The following MGAT5 variants were observed in gnomAD, a reference collection of about 807,000 sequenced individuals.
MGAT5 encodes alpha-1,6-mannosylglycoprotein 6-beta-N-acetylglucosaminyltransferase.
In MGAT5, 30 loss-of-function variants were observed where a neutral mutation model predicts 94.3. The observed-to-expected ratio is 0.32, with a 90% CI of 0.24 to 0.43. The LOEUF (loss-of-function observed/expected upper bound fraction) is 0.43. Among genes scored for constraint, MGAT5 ranks in the 20% least tolerant of loss-of-function variants. The pLI, the probability that MGAT5 is intolerant of heterozygous loss-of-function variation, is 1.00. For missense variants in MGAT5, 691 were observed against 905.5 expected, an observed-to-expected ratio of 0.76 and a Z score of 3.04; for synonymous variants, 310 against 322.9, an observed-to-expected ratio of 0.96 and a Z score of 0.43.
intron 1 of MGAT5, among the ~76,000 whole-genome samples, chr2:134,135,938 A>C (rs965008588): frequency 6.6e-6 from 1 of 152,190 alleles, no homozygotes; most frequent in African/African-American, 2.4e-5. Flanking sequence ...AGGTTGTCAC[A>C]TGAGTTTCAT....
At chr2:134,235,473 G>A (rs914029098) in intron 1 of MGAT5, among the ~76,000 whole-genome samples, 1 of 152,120 alleles carries the variant, frequency 6.6e-6, no homozygotes. Context: ...TGATCCTTGG[G>A]TGGGTTTTGA....
At chr2:134,286,772 A>G (rs897512649) in intron 2 of MGAT5, among the ~76,000 whole-genome samples, 2 of 152,198 alleles carry the variant, frequency 1.3e-5, no homozygotes, top group Non-Finnish European at 2.9e-5. Flanking sequence ...CTTGAATGAT[A>G]CATTCGTTGC....
chr2:134,249,221 T>A (rs1166372389), upstream of MGAT5, among the ~76,000 whole-genome samples: 1 of 142,088 alleles, frequency 7.0e-6, no homozygotes, highest in Non-Finnish European at 1.5e-5. Flanking sequence ...TTCTTTTTTC[T>A]TTTTTTTTTT....
At chr2:134,353,029 G>T (rs1679485964) in intron 9 of MGAT5, among the ~76,000 whole-genome samples, 1 of 152,188 alleles carries the variant, frequency 6.6e-6, no homozygotes, top group Admixed American at 6.5e-5. Context: ...AAGCGGAAAG[G>T]TGGTTACCAA....
chr2:134,292,807 A>T (rs1472049192), intron 2 of MGAT5, among the ~76,000 whole-genome samples: 1 of 152,178 alleles, frequency 6.6e-6, no homozygotes, highest in Non-Finnish European at 1.5e-5. Context: ...TCTCAACGAC[A>T]TACAGAGGAT....
At chr2:134,280,110 C>T (rs993020920) in intron 2 of MGAT5, among the ~76,000 whole-genome samples, 17 of 152,098 alleles carry the variant, frequency 1.1e-4, no homozygotes, top group Non-Finnish European at 2.9e-5. Flanking sequence ...AATTAGGCAG[C>T]CTAAATAAAA....
At chr2:134,409,108 A>T (rs1271993190) in intron 11 of MGAT5, among the ~76,000 whole-genome samples, 1 of 152,066 alleles carries the variant, frequency 6.6e-6, no homozygotes, top group Non-Finnish European at 1.5e-5. Flanking sequence ...GCACACGTAA[A>T]CTCCGTCTAA....
chr2:134,336,342 A>T, intron 5 of MGAT5, 54 bp downstream of exon 5: 1 of 1,417,414 alleles, frequency 7.1e-7, no homozygotes, highest in Non-Finnish European at 9.9e-7. Flanking sequence ...TCAGATGCCA[A>T]GTGATACATG....
At chr2:134,318,974 G>A (rs761580175) in intron 4 of MGAT5, among the ~76,000 whole-genome samples, 1 of 152,088 alleles carries the variant, frequency 6.6e-6, no homozygotes, top group African/African-American at 2.4e-5. Context: ...TCTTTAAATT[G>A]TAGTAAAATA....
At chr2:134,366,995 A>G (rs1680473285) in intron 10 of MGAT5, among the ~76,000 whole-genome samples, 1 of 152,198 alleles carries the variant, frequency 6.6e-6, no homozygotes, top group Non-Finnish European at 1.5e-5. Context: ...CTTAGCCCCA[A>G]GAGCCAGGTA....
At chr2:134,140,095 A>C (rs1352671361) in intron 1 of MGAT5, among the ~76,000 whole-genome samples, 1 of 152,224 alleles carries the variant, frequency 6.6e-6, no homozygotes, top group African/African-American at 2.4e-5. Flanking sequence ...TTGGGGGCTC[A>C]CGGCCTGCAC....
chr2:134,215,834 G>T (rs1457276940), intron 1 of MGAT5, among the ~76,000 whole-genome samples: 1 of 152,180 alleles, frequency 6.6e-6, no homozygotes, highest in Non-Finnish European at 1.5e-5. Context: ...AGCAGTGCAT[G>T]AGAGCTTCCT....
Position 134,254,338 on chromosome 2 carries a change from C to T in MGAT5, c.-66C>T. 1.3e-6 allele frequency: 2 copies of T among 1,582,292 alleles called. No individual in the cohort carries two copies. Among genetic ancestry groups the T allele is most frequent in the Non-Finnish European group, 8.6e-7 (1 of 1,163,384 alleles). On this transcript the variant is annotated 5_prime_UTR_variant, in exon 1 of 16. Transcript: ENST00000281923. Reference sequence around the variant, plus strand: ...CCAGCAGACTCTCACACTCAACCTACACCATGAATTTGTGTCTATCTTCTA... The same window carrying T: ...CCAGCAGACTCTCACACTCAACCTATACCATGAATTTGTGTCTATCTTCTA...
chr2:134,247,720 G>T (rs1047342990), intron 1 of MGAT5, among the ~76,000 whole-genome samples: 3 of 152,160 alleles, frequency 2.0e-5, no homozygotes, highest in Non-Finnish European at 4.4e-5. Flanking sequence ...CTCTAACAGT[G>T]TTCTGTGTTT....
At chr2:134,126,967 G>A (rs1685867426) in intron 1 of MGAT5, among the ~76,000 whole-genome samples, 1 of 151,794 alleles carries the variant, frequency 6.6e-6, no homozygotes, top group African/African-American at 2.4e-5. Context: ...TTTTCTGAAT[G>A]ACCGATTCTT....
intron 1 of MGAT5, among the ~76,000 whole-genome samples, chr2:134,174,527 T>C (rs1361531082): frequency 6.6e-6 from 1 of 152,280 alleles, no homozygotes; most frequent in Non-Finnish European, 1.5e-5. Context: ...TGTTTCATTT[T>C]ATTTTTACCT....
intron 2 of MGAT5, among the ~76,000 whole-genome samples, chr2:134,303,617 A>G (rs1686161160): frequency 6.6e-6 from 1 of 152,116 alleles, no homozygotes; most frequent in African/African-American, 2.4e-5. Flanking sequence ...TTTGGGGTTT[A>G]AACTGTGGCT....
rs74407524 is a variant in MGAT5, at chr2:134,314,922, G to A, written c.407-2607G>A. ...TTATTGGAACACAGCCCATCCATTC[G>A]TTCAGCTGTTATCTGTGGCTGCTTT... On this transcript the variant is annotated intron_variant, in intron 2 of 15. Transcript: ENST00000281923. 7.1e-3 allele frequency among the ~76,000 whole-genome samples: 1,074 copies of A among 152,238 alleles called. 31 individuals are homozygous for A. Among genetic ancestry groups the A allele is most frequent in the Admixed American group, 0.049 (745 of 15,286 alleles).
intron 1 of MGAT5, among the ~76,000 whole-genome samples, chr2:134,139,030 C>T (rs1424403009): frequency 6.6e-6 from 1 of 152,174 alleles, no homozygotes; most frequent in Non-Finnish European, 1.5e-5. Flanking sequence ...GATGGAAGAA[C>T]CTTCTGAAGA....
Sources: allele counts gnomAD v4.1 joint callset (sites outside exome capture counted in the v4.1 genomes callset), GRCh38; gene constraint gnomAD v4.1.1; transcripts MANE v1.5; gene names NCBI Gene and HGNC (gene_info 2026-07-23, HGNC 2026-07-21).